The following AFG2A variants were observed in gnomAD, a reference collection of about 807,000 sequenced individuals.
The protein encoded by AFG2A is ATPase family gene 2 protein homolog A.
the AFG2A span, among the ~76,000 whole-genome samples, chr4:123,152,215 G>A: frequency 6.6e-6 from 1 of 152,070 alleles, no homozygotes; most frequent in Non-Finnish European, 1.5e-5. Context: ...ACCCACCATG[G>A]CACATGTATA....
At chr4:123,116,411 C>A in the AFG2A span, among the ~76,000 whole-genome samples, 1 of 152,158 alleles carries the variant, frequency 6.6e-6, no homozygotes, top group Non-Finnish European at 1.5e-5. Context: ...ACACTTTATT[C>A]TTCTCAACCT....
At chr4:122,948,457 T>A in the AFG2A span, among the ~76,000 whole-genome samples, 12 of 148,700 alleles carry the variant, frequency 8.1e-5, no homozygotes, top group Admixed American at 6.1e-4. Context: ...GATCCATTGG[T>A]GGCGGTATTG....
chr4:122,957,738 G>A, the AFG2A span, among the ~76,000 whole-genome samples: 1 of 152,120 alleles, frequency 6.6e-6, no homozygotes, highest in African/African-American at 2.4e-5. Context: ...TTTTGTTGTT[G>A]TTGTTGTTGT....
chr4:123,055,204 G>A, the AFG2A span, among the ~76,000 whole-genome samples: 3 of 152,164 alleles, frequency 2.0e-5, no homozygotes. Context: ...AAGACCTTAA[G>A]AGCTCTTCTA....
chr4:123,266,603 A>G, the AFG2A span, among the ~76,000 whole-genome samples: 1 of 151,844 alleles, frequency 6.6e-6, no homozygotes, highest in Non-Finnish European at 1.5e-5. Flanking sequence ...CATTTATTTC[A>G]TCTGATTTAT....
the AFG2A span, among the ~76,000 whole-genome samples, chr4:123,099,639 G>A: frequency 6.6e-6 from 1 of 151,590 alleles, no homozygotes; most frequent in African/African-American, 2.4e-5. Context: ...AATAATAGTA[G>A]GGAGGCTGAA....
At chr4:123,004,540 A>C in the AFG2A span, among the ~76,000 whole-genome samples, 15 of 152,148 alleles carry the variant, frequency 9.9e-5, no homozygotes, top group African/African-American at 3.4e-4. Context: ...ATATTAATTG[A>C]TTTTCAATGT....
chr4:123,080,585 T>G, the AFG2A span, among the ~76,000 whole-genome samples: 1 of 152,174 alleles, frequency 6.6e-6, no homozygotes. Flanking sequence ...AACTATGTAT[T>G]TTTTCTCGGT....
the AFG2A span, among the ~76,000 whole-genome samples, chr4:123,096,411 C>A: frequency 6.6e-6 from 1 of 151,926 alleles, no homozygotes; most frequent in Non-Finnish European, 1.5e-5. Flanking sequence ...AGTTAAATGC[C>A]CAAACTTTTG....
chr4:122,935,577 A>C, the AFG2A span: 1 of 928,152 alleles, frequency 1.1e-6, no homozygotes, highest in Non-Finnish European at 1.5e-6. Context: ...ATCTTTCTGG[A>C]GGGGGAGAAA....
At chr4:123,108,009 G>T in the AFG2A span, among the ~76,000 whole-genome samples, 1 of 152,256 alleles carries the variant, frequency 6.6e-6, no homozygotes, top group Admixed American at 6.5e-5. Context: ...GCAGAGTCAC[G>T]GCTGGACAAC....
the AFG2A span, among the ~76,000 whole-genome samples, chr4:123,020,711 CTA>C: frequency 2.8e-4 from 42 of 152,148 alleles, 1 homozygote; most frequent in African/African-American, 9.6e-4. Context: ...TATTTAATTT[CTA>C]TATGATTGTC....
chr4:122,935,958 T>C, the AFG2A span: 1 of 1,326,166 alleles, frequency 7.5e-7, no homozygotes, highest in South Asian at 1.7e-5. Context: ...AATATTTTGC[T>C]TCTTAATAAA....
At chr4:123,199,204 AT>A in the AFG2A span, among the ~76,000 whole-genome samples, 1 of 152,118 alleles carries the variant, frequency 6.6e-6, no homozygotes, top group Non-Finnish European at 1.5e-5. Flanking sequence ...AGATACAGAT[AT>A]AGACATAGTC....
chr4:123,215,814 G>A, the AFG2A span, among the ~76,000 whole-genome samples: 1 of 152,082 alleles, frequency 6.6e-6, no homozygotes, highest in South Asian at 2.1e-4. Context: ...AGATGAAAAG[G>A]ACATTCTAAT....
At chr4:123,303,295 A>G in the AFG2A span, among the ~76,000 whole-genome samples, 42 of 152,330 alleles carry the variant, frequency 2.8e-4, no homozygotes, top group Non-Finnish European at 5.7e-4. Flanking sequence ...CTGAAGCAAG[A>G]GGATTGCTCC....
chr4:123,283,397 T>C, the AFG2A span, among the ~76,000 whole-genome samples: 3,679 of 151,902 alleles, frequency 0.024, 143 homozygotes, highest in African/African-American at 0.084. Context: ...GTCTTTCTTA[T>C]AGGGTTAGGG....
chr4:123,293,931 C>T, the AFG2A span, among the ~76,000 whole-genome samples: 1 of 152,308 alleles, frequency 6.6e-6, no homozygotes, highest in Admixed American at 6.5e-5. Context: ...CATAGATTCT[C>T]CCAGTGAACT....
At chr4:123,317,440 C>G in the AFG2A span, 1 of 152,168 alleles carries the variant, frequency 6.6e-6, no homozygotes, top group Non-Finnish European at 1.5e-5. Flanking sequence ...ATTCCAAAAG[C>G]TAATGCCTTG....
Sources: gnomAD v4.1 joint callset for allele counts (sites outside exome capture counted in the v4.1 genomes callset) on GRCh38, gnomAD v4.1.1 for gene constraint, MANE v1.5 for transcripts, NCBI Gene and HGNC (gene_info 2026-07-23, HGNC 2026-07-21) for gene names.